The following COL15A1 variants were observed in gnomAD, a reference collection of about 807,000 sequenced individuals.
COL15A1 encodes collagen type XV alpha 1 chain, also known as collagen alpha-1(XV) chain.
A neutral mutation model predicts 165.9 loss-of-function variants in COL15A1; 111 were observed. The observed-to-expected ratio is 0.67, with a 90% CI of 0.57 to 0.78. The LOEUF is 0.78. COL15A1 is among the 30% of genes least tolerant of loss of function. The pLI is 0.00. For synonymous variants in COL15A1, 659 were observed against 674.8 expected (o/e 0.98, Z 0.36); for missense variants, 1,745 against 1,789.7 (o/e 0.98, Z 0.45).
chr9:98,968,823 G>A (rs1383396254), intron 2 of COL15A1, among the ~76,000 whole-genome samples: 1 of 152,264 alleles, frequency 6.6e-6, no homozygotes, highest in East Asian at 1.9e-4. Flanking sequence ...GGAAGGAGGA[G>A]TAAGCTGACT....
chr9:98,955,988 T>A (rs1432406191), intron 2 of COL15A1, among the ~76,000 whole-genome samples: 1 of 152,242 alleles, frequency 6.6e-6, no homozygotes, highest in Non-Finnish European at 1.5e-5. Flanking sequence ...AGTGCTCTGG[T>A]GCTTCACATG....
At chr9:99,006,575 G>A (rs1838766866) in intron 9 of COL15A1, among the ~76,000 whole-genome samples, 1 of 152,194 alleles carries the variant, frequency 6.6e-6, no homozygotes, top group Non-Finnish European at 1.5e-5. Context: ...ACAGGCCACT[G>A]GGCAGTTATA....
intron 12 of COL15A1, among the ~76,000 whole-genome samples, chr9:99,020,987 C>G (rs1388649219): frequency 6.6e-6 from 1 of 152,208 alleles, no homozygotes; most frequent in Non-Finnish European, 1.5e-5. Flanking sequence ...TATAGAAGTG[C>G]TTTAGCTGGT....
intron 2 of COL15A1, among the ~76,000 whole-genome samples, chr9:98,968,423 A>G (rs540019837): frequency 6.6e-6 from 1 of 152,334 alleles, no homozygotes; most frequent in East Asian, 1.9e-4. Context: ...CAGGGAATCC[A>G]TTCCTTGCCA....
intron 34 of COL15A1, among the ~76,000 whole-genome samples, chr9:99,055,619 T>C (rs1466213008): frequency 1.3e-5 from 2 of 152,234 alleles, no homozygotes; most frequent in Non-Finnish European, 2.9e-5. Flanking sequence ...CACTGCCTTA[T>C]TCATGACATT....
chr9:99,030,595 C>G (rs1191051706), intron 16 of COL15A1, among the ~76,000 whole-genome samples: 1 of 152,178 alleles, frequency 6.6e-6, no homozygotes, highest in Non-Finnish European at 1.5e-5. Flanking sequence ...GACCATAAAC[C>G]AAGGCCCATG....
In COL15A1 at chr9:99,007,073, G is replaced by A. The variant is rs888263773; in HGVS notation, c.1353+2023G>A. Among the ~76,000 whole-genome samples the A allele has an allele frequency of 3.3e-5, 5 of 152,280 alleles. No individual in the cohort carries two copies. The South Asian group carries it at 8.3e-4, about 25-fold the overall frequency. ...GTGTACATTGGTTCAGTCCAGAAAA[G>A]CAGGACAACTCAAAGTAGGGAGGGG... is the stretch of plus-strand genomic sequence containing the variant. On this transcript the variant is annotated intron_variant, in intron 9 of 41. Coordinates refer to ENST00000375001, the MANE Select transcript of COL15A1 (RefSeq NM_001855.5).
At chr9:98,957,001 G>A (rs1412029658) in intron 2 of COL15A1, among the ~76,000 whole-genome samples, 2 of 152,194 alleles carry the variant, frequency 1.3e-5, no homozygotes, top group East Asian at 3.8e-4. Flanking sequence ...CAGGGTCATG[G>A]CCCTCTGAAG....
At chr9:99,031,138 A>T (rs1226198647) in intron 16 of COL15A1, among the ~76,000 whole-genome samples, 1 of 152,106 alleles carries the variant, frequency 6.6e-6, no homozygotes, top group Non-Finnish European at 1.5e-5. Flanking sequence ...CCAACTTTCC[A>T]TGAAGCTGCC....
At chr9:98,950,529 TCCTTC>T (rs367699238) in intron 2 of COL15A1, among the ~76,000 whole-genome samples, 5 of 110,072 alleles carry the variant, frequency 4.5e-5, no homozygotes, top group South Asian at 4.0e-4. Context: ...TTCCCTTCCT[TCCTTC>T]CCTTCCCTTC....
At chr9:99,016,748 C>T (rs192092531) in intron 11 of COL15A1, among the ~76,000 whole-genome samples, 68 of 152,350 alleles carry the variant, frequency 4.5e-4, no homozygotes, top group Non-Finnish European at 6.9e-4. Context: ...AGAGGGACTG[C>T]TCTTCCAATG....
intron 39 of COL15A1, among the ~76,000 whole-genome samples, chr9:99,064,644 G>A (rs1393202108): frequency 6.6e-6 from 1 of 152,196 alleles, no homozygotes; most frequent in South Asian, 2.1e-4. Flanking sequence ...AGAAGCCATA[G>A]CCAGAAAGGA....
intron 5 of COL15A1, among the ~76,000 whole-genome samples, chr9:98,993,482 T>G (rs1838485402): frequency 6.6e-6 from 1 of 152,222 alleles, no homozygotes. Context: ...TGTCTGTTCC[T>G]GATCATCAGA....
chr9:99,055,954 C>T (rs530827419), intron 34 of COL15A1, among the ~76,000 whole-genome samples: 56 of 152,316 alleles, frequency 3.7e-4, no homozygotes, highest in African/African-American at 1.3e-3. Context: ...TGATCTTGGG[C>T]AAGTCCTTTC....
chr9:98,989,025 C>CACACAT (rs1218572958), intron 4 of COL15A1, among the ~76,000 whole-genome samples, 153 bp from the exon 5 acceptor site: 15 of 92,162 alleles, frequency 1.6e-4, no homozygotes, highest in Non-Finnish European at 3.2e-4. Context: ...CTCTCATAGA[C>CACACAT]ACACACACAC....
chr9:98,971,786 G>C (rs760673747), intron 2 of COL15A1, among the ~76,000 whole-genome samples: 2 of 152,220 alleles, frequency 1.3e-5, no homozygotes, highest in African/African-American at 4.8e-5. Context: ...GTGGTGAGCA[G>C]AGCTGGGTCA....
At chr9:99,010,037 C>T (rs1250338907) in intron 9 of COL15A1, among the ~76,000 whole-genome samples, 1 of 152,198 alleles carries the variant, frequency 6.6e-6, no homozygotes, top group Non-Finnish European at 1.5e-5. Context: ...CATGTGCCCA[C>T]CTCTTCTGCA....
intron 16 of COL15A1, among the ~76,000 whole-genome samples, chr9:99,032,202 A>AG (rs1348354339): frequency 1.3e-5 from 2 of 151,394 alleles, no homozygotes; most frequent in African/African-American, 4.8e-5. Flanking sequence ...TTATTTTTTA[A>AG]TTTATTTTTA....
At chr9:99,012,112 C>T (rs549546797) in intron 9 of COL15A1, among the ~76,000 whole-genome samples, 5 of 152,276 alleles carry the variant, frequency 3.3e-5, no homozygotes, top group South Asian at 2.1e-4. Flanking sequence ...TAAATGCAAA[C>T]AAAAATGTAT....
Sources: allele counts gnomAD v4.1 joint callset (sites outside exome capture counted in the v4.1 genomes callset), GRCh38; gene constraint gnomAD v4.1.1; transcripts MANE v1.5; gene names NCBI Gene and HGNC (gene_info 2026-07-23, HGNC 2026-07-21).